HPSE2: variants seen among roughly 807,000 people sequenced by gnomAD.
HPSE2 encodes heparanase 2 (inactive), also known as inactive heparanase-2.
A neutral mutation model predicts 60.5 loss-of-function variants in HPSE2; 38 were observed. The observed-to-expected ratio is 0.63, with a 90% CI of 0.48 to 0.82. The LOEUF is 0.82. HPSE2 is among the 40% of genes least tolerant of loss of function. HPSE2 has a pLI of 0.00. For missense variants in HPSE2, 713 were observed against 740.4 expected (o/e 0.96, Z 0.43); for synonymous variants, 295 against 293.2 (o/e 1.01, Z -0.06).
chr10:98,921,180 T>C (rs1171931033), intron 3 of HPSE2, among the ~76,000 whole-genome samples: 1 of 152,160 alleles, frequency 6.6e-6, no homozygotes, highest in East Asian at 1.9e-4. Context: ...ATGCTTGTTG[T>C]TAGGACTAAA....
chr10:98,876,556 C>T lies in HPSE2; in HGVS notation c.611-132500G>A, dbSNP rs569052807. ...ATAGAATCTTCTTGGCTAAAACCCACCTTTTCTATTTTACTTTTTAAGGAA... is the reference window on the plus strand; with the variant it reads ...ATAGAATCTTCTTGGCTAAAACCCATCTTTTCTATTTTACTTTTTAAGGAA... On this transcript the variant is annotated intron_variant, in intron 3 of 11. Coordinates refer to ENST00000370552, the MANE Select transcript of HPSE2 (RefSeq NM_021828.5). 6.2e-4 allele frequency among the ~76,000 whole-genome samples: 94 copies of T among 152,028 alleles called. 1 individual carries two copies. Among genetic ancestry groups the T allele is most frequent in the Non-Finnish European group, 1.1e-3 (75 of 67,874 alleles).
chr10:98,508,997 G>C (rs1400958346), intron 9 of HPSE2, among the ~76,000 whole-genome samples: 1 of 152,194 alleles, frequency 6.6e-6, no homozygotes, highest in African/African-American at 2.4e-5. Flanking sequence ...CAGCTATGTA[G>C]AAAGTAAATT....
chr10:99,146,214 G>T (rs1003462386), intron 2 of HPSE2, among the ~76,000 whole-genome samples: 3 of 152,044 alleles, frequency 2.0e-5, no homozygotes, highest in Non-Finnish European at 2.9e-5. Flanking sequence ...CATCTCATTG[G>T]ATCCTTCCAA....
At chr10:99,133,366 C>A (rs1428727267) in intron 3 of HPSE2, among the ~76,000 whole-genome samples, 4 of 152,230 alleles carry the variant, frequency 2.6e-5, no homozygotes, top group Non-Finnish European at 4.4e-5. Context: ...AGCAGACCTC[C>A]CAGCACAGCA....
At chr10:98,575,215 T>A (rs2133907287) in intron 9 of HPSE2, among the ~76,000 whole-genome samples, 1 of 152,330 alleles carries the variant, frequency 6.6e-6, no homozygotes, top group African/African-American at 2.4e-5. Context: ...GCTAAAGACC[T>A]AGGCATAACT....
At chr10:99,136,226 C>T (rs572574985) in intron 3 of HPSE2, among the ~76,000 whole-genome samples, 13 of 152,168 alleles carry the variant, frequency 8.5e-5, no homozygotes, top group Middle Eastern at 3.4e-3. Flanking sequence ...ATAATAAGTT[C>T]GGAAATTGAA....
chr10:99,024,834 C>T (rs973984506), intron 3 of HPSE2, among the ~76,000 whole-genome samples: 14 of 151,996 alleles, frequency 9.2e-5, no homozygotes, highest in African/African-American at 2.7e-4. Context: ...CCTTGAAACA[C>T]GAAGGAGAGA....
intron 3 of HPSE2, among the ~76,000 whole-genome samples, chr10:98,919,760 AT>A: frequency 1.3e-5 from 2 of 152,318 alleles, no homozygotes; most frequent in South Asian, 4.1e-4. Context: ...TCCAGAAAAA[AT>A]AAAAATAAAA....
At chr10:98,635,437 T>C (rs772008194) in intron 7 of HPSE2, among the ~76,000 whole-genome samples, 1 of 152,178 alleles carries the variant, frequency 6.6e-6, no homozygotes, top group African/African-American at 2.4e-5. Context: ...TCATGCTCAC[T>C]GCAGTACTAT....
intron 11 of HPSE2, among the ~76,000 whole-genome samples, chr10:98,467,682 C>G (rs1940598894): frequency 3.3e-5 from 5 of 152,162 alleles, no homozygotes; most frequent in Admixed American, 2.6e-4. Flanking sequence ...CCCAGGAAGC[C>G]GGAATGCGTC....
At chr10:98,462,369 G>T (rs921582320) in intron 11 of HPSE2, among the ~76,000 whole-genome samples, 1 of 152,074 alleles carries the variant, frequency 6.6e-6, no homozygotes, top group Non-Finnish European at 1.5e-5. Context: ...AGTAGAGACG[G>T]GGTTTCACCA....
At chr10:99,303,790 T>C in the HPSE2 span, among the ~76,000 whole-genome samples, 5 of 152,318 alleles carry the variant, frequency 3.3e-5, no homozygotes, top group East Asian at 9.6e-4. Context: ...TTTGCTCTTC[T>C]TCCTGCTCTG....
chr10:98,989,489 A>C (rs10883240), intron 3 of HPSE2, among the ~76,000 whole-genome samples: 70,709 of 141,244 alleles, frequency 0.5, 19,261 homozygotes, highest in East Asian at 0.63. Flanking sequence ...AACACCGGGG[A>C]CTGTTGTGGG....
chr10:98,552,535 G>A (rs974988440), intron 9 of HPSE2, among the ~76,000 whole-genome samples: 2 of 152,152 alleles, frequency 1.3e-5, no homozygotes, highest in African/African-American at 4.8e-5. Context: ...AATGATCTAA[G>A]AATGTATGGA....
chr10:99,261,314 C>T, the HPSE2 span, among the ~76,000 whole-genome samples: 3 of 152,100 alleles, frequency 2.0e-5, no homozygotes, highest in Non-Finnish European at 4.4e-5. Flanking sequence ...TGCTCCGCCA[C>T]CCTATAATCC....
At chr10:98,857,745 G>A (rs1213836506) in intron 3 of HPSE2, among the ~76,000 whole-genome samples, 1 of 152,024 alleles carries the variant, frequency 6.6e-6, no homozygotes, top group Non-Finnish European at 1.5e-5. Flanking sequence ...GGGACCCAAG[G>A]ACTTGATTGA....
intron 6 of HPSE2, among the ~76,000 whole-genome samples, chr10:98,663,598 G>C (rs1236205724): frequency 6.6e-6 from 1 of 152,194 alleles, no homozygotes; most frequent in Non-Finnish European, 1.5e-5. Flanking sequence ...CTAGTGCAGA[G>C]CCAGGAGATG....
chr10:98,509,691 G>T (rs1942322819), intron 9 of HPSE2, among the ~76,000 whole-genome samples: 1 of 151,968 alleles, frequency 6.6e-6, no homozygotes, highest in Admixed American at 6.6e-5. Flanking sequence ...TAGTAGAGAT[G>T]GGGTTTCACC....
upstream of HPSE2, among the ~76,000 whole-genome samples, chr10:99,238,138 T>C (rs1390208777): frequency 1.3e-5 from 2 of 152,228 alleles, no homozygotes; most frequent in African/African-American, 2.4e-5. Context: ...TAAAATTATA[T>C]ATTTTTAACA....
Sources: gnomAD v4.1 joint callset for allele counts (sites outside exome capture counted in the v4.1 genomes callset) on GRCh38, gnomAD v4.1.1 for gene constraint, MANE v1.5 for transcripts, NCBI Gene and HGNC (gene_info 2026-07-23, HGNC 2026-07-21) for gene names.